SRPK2: variants seen among roughly 807,000 people sequenced by gnomAD.
The protein encoded by SRPK2 is SRSF protein kinase 2.
In SRPK2, 21 loss-of-function variants were observed where a neutral mutation model predicts 90.8. The ratio of observed to expected loss-of-function variants is 0.23; its 90% confidence interval spans 0.16 to 0.33. The LOEUF (loss-of-function observed/expected upper bound fraction) is 0.33. Among genes scored for constraint, SRPK2 ranks in the 10% least tolerant of loss-of-function variants. The probability of loss-of-function intolerance (pLI) is 1.00; values close to 1 mark genes in which losing one functional copy is unlikely to be tolerated. For synonymous variants in SRPK2, 288 were observed against 311.1 expected, an observed-to-expected ratio of 0.93 and a Z score of 0.78; for missense variants, 620 against 869.0, an observed-to-expected ratio of 0.71 and a Z score of 3.60.
chr7:105,181,302 G>A (rs1052266531), intron 3 of SRPK2, among the ~76,000 whole-genome samples: 11 of 152,228 alleles, frequency 7.2e-5, no homozygotes, highest in Non-Finnish European at 1.5e-4. Flanking sequence ...GTGGAAATCA[G>A]TATGGCAATT....
chr7:105,149,124 G>T (rs543216485), intron 7 of SRPK2, among the ~76,000 whole-genome samples: 20 of 152,304 alleles, frequency 1.3e-4, no homozygotes, highest in East Asian at 9.6e-4. Flanking sequence ...AAAGAGGAAA[G>T]CCTCTTGCAG....
rs563900379 is a variant in SRPK2 at position 105,253,655 on chromosome 7, C to G, written c.72-49870G>C. On this transcript the variant is annotated intron_variant, in intron 2 of 15. Transcript: ENST00000393651. ...AGATCCAAGCCGTCCTGAGACTACA[C>G]AGAGAGCACGCCCCTGTCCCCCACA... Among the ~76,000 whole-genome samples, 3 of 152,314 alleles carry G rather than the reference C, an allele frequency of 2.0e-5. No individual in the cohort carries two copies. In the East Asian group the frequency reaches 5.8e-4, roughly 29 times the overall value.
chr7:105,200,109 C>T (rs549383580), intron 3 of SRPK2, among the ~76,000 whole-genome samples: 2 of 152,198 alleles, frequency 1.3e-5, no homozygotes, highest in African/African-American at 4.8e-5. Flanking sequence ...CAAGACCAGC[C>T]TGGCCAACAT....
At chr7:105,230,859 T>C (rs1428849716) in intron 2 of SRPK2, among the ~76,000 whole-genome samples, 1 of 152,242 alleles carries the variant, frequency 6.6e-6, no homozygotes, top group Non-Finnish European at 1.5e-5. Flanking sequence ...ACAACTATTA[T>C]CAAAAATCAT....
intron 3 of SRPK2, among the ~76,000 whole-genome samples, chr7:105,193,549 G>T (rs1030723308): frequency 3.9e-5 from 6 of 152,086 alleles, no homozygotes; most frequent in East Asian, 1.9e-4. Context: ...TTTTAGGATG[G>T]TTTTTTCTAG....
intron 2 of SRPK2, among the ~76,000 whole-genome samples, chr7:105,312,063 C>G (rs1047838670): frequency 6.6e-6 from 1 of 152,054 alleles, no homozygotes; most frequent in African/African-American, 2.4e-5. Flanking sequence ...TGGATGGACA[C>G]TGAGGACAAA....
chr7:105,381,470 AAAAAC>A (rs920057473), intron 2 of SRPK2, among the ~76,000 whole-genome samples: 31 of 152,212 alleles, frequency 2.0e-4, no homozygotes, highest in South Asian at 4.1e-4. Flanking sequence ...TCCATCTCGA[AAAAAC>A]AAAACAAAAC....
At chr7:105,200,511 G>T (rs1795418673) in intron 3 of SRPK2, among the ~76,000 whole-genome samples, 1 of 151,990 alleles carries the variant, frequency 6.6e-6, no homozygotes, top group African/African-American at 2.4e-5. Flanking sequence ...CGGGGTGGCG[G>T]CGGGGGTAGG....
chr7:105,364,081 G>GT (rs1187809735), intron 2 of SRPK2, among the ~76,000 whole-genome samples: 1 of 152,028 alleles, frequency 6.6e-6, no homozygotes, highest in Non-Finnish European at 1.5e-5. Flanking sequence ...AATACCTAAT[G>GT]TAAATGACAA....
chr7:105,381,782 T>C (rs1324014583), intron 2 of SRPK2, among the ~76,000 whole-genome samples: 2 of 152,182 alleles, frequency 1.3e-5, no homozygotes, highest in Non-Finnish European at 2.9e-5. Context: ...AGTCATGGGC[T>C]TATGAGCTTG....
chr7:105,166,250 AGT>A (rs777857699), intron 6 of SRPK2, among the ~76,000 whole-genome samples: 5 of 152,266 alleles, frequency 3.3e-5, no homozygotes, highest in Non-Finnish European at 1.5e-5. Flanking sequence ...AACTAAAGTA[AGT>A]GAATACAGAC....
intron 2 of SRPK2, among the ~76,000 whole-genome samples, chr7:105,343,193 G>A (rs1009587370): frequency 7.2e-5 from 11 of 152,174 alleles, no homozygotes; most frequent in Non-Finnish European, 1.6e-4. Flanking sequence ...AGCAATTAGG[G>A]AGGCAAAGGT....
At chr7:105,288,492 G>C (rs1327696378) in intron 2 of SRPK2, among the ~76,000 whole-genome samples, 1 of 152,024 alleles carries the variant, frequency 6.6e-6, no homozygotes, top group Non-Finnish European at 1.5e-5. Flanking sequence ...TACTTGGGAG[G>C]CTGAGCCAGG....
intron 2 of SRPK2, among the ~76,000 whole-genome samples, chr7:105,224,453 T>C (rs888881685): frequency 6.6e-6 from 1 of 151,880 alleles, no homozygotes; most frequent in Non-Finnish European, 1.5e-5. Flanking sequence ...CTACTAAAAA[T>C]ACAAAATTAT....
chr7:105,312,461 G>A (rs1376000964), intron 2 of SRPK2, among the ~76,000 whole-genome samples: 1 of 73,512 alleles, frequency 1.4e-5, no homozygotes, highest in Non-Finnish European at 2.9e-5. Flanking sequence ...AAAACAAGCG[G>A]GGGTAGATGA....
At chr7:105,156,685 G>C (rs1806546972) in intron 7 of SRPK2, among the ~76,000 whole-genome samples, 1 of 152,010 alleles carries the variant, frequency 6.6e-6, no homozygotes, top group Non-Finnish European at 1.5e-5. Context: ...ATTTTGTTTG[G>C]TAGAGACACG....
intron 2 of SRPK2, among the ~76,000 whole-genome samples, chr7:105,282,883 T>A (rs1468117340): frequency 9.8e-6 from 1 of 102,008 alleles, no homozygotes; most frequent in Non-Finnish European, 1.9e-5. Context: ...TATTTGTAAA[T>A]CACGTAACTG....
At chr7:105,241,642 T>C (rs968562716) in intron 2 of SRPK2, among the ~76,000 whole-genome samples, 1 of 152,232 alleles carries the variant, frequency 6.6e-6, no homozygotes, top group African/African-American at 2.4e-5. Flanking sequence ...TTCTATCCAA[T>C]ATATTTTGCT....
At chr7:105,290,197 CAA>C (rs56311004) in intron 2 of SRPK2, among the ~76,000 whole-genome samples, 23,053 of 133,526 alleles carry the variant, frequency 0.17, 2,335 homozygotes, top group East Asian at 0.57. Context: ...ACAGGCTCTT[CAA>C]AAAAAAAAAA....
Sources: gnomAD v4.1 joint callset for allele counts (sites outside exome capture counted in the v4.1 genomes callset) on GRCh38, gnomAD v4.1.1 for gene constraint, MANE v1.5 for transcripts, NCBI Gene and HGNC (gene_info 2026-07-23, HGNC 2026-07-21) for gene names.